PCDH7: variants seen among roughly 807,000 people sequenced by gnomAD.
The protein encoded by PCDH7 is protocadherin 7.
Under a neutral mutation model 58.9 loss-of-function variants are expected in PCDH7, and 17 were observed. The ratio of observed to expected loss-of-function variants is 0.29; its 90% confidence interval spans 0.20 to 0.43. PCDH7 has a LOEUF of 0.43. PCDH7 is among the 20% of genes least tolerant of loss of function. The pLI, the probability that PCDH7 is intolerant of heterozygous loss-of-function variation, is 1.00. For synonymous variants in PCDH7, 664 were observed against 616.4 expected (o/e 1.08, Z -1.14); for missense variants, 1,274 against 1,441.0 (o/e 0.88, Z 1.88).
intron 1 of PCDH7, among the ~76,000 whole-genome samples, chr4:30,864,112 A>G (rs1348129265): frequency 6.7e-6 from 1 of 150,132 alleles, no homozygotes; most frequent in African/African-American, 2.4e-5. Flanking sequence ...TTCCAAGACC[A>G]TCTCTTTTTT....
At chr4:30,820,748 G>A (rs544711180) in intron 1 of PCDH7, among the ~76,000 whole-genome samples, 1 of 152,042 alleles carries the variant, frequency 6.6e-6, no homozygotes, top group Admixed American at 6.6e-5. Context: ...ATGTGAATAT[G>A]AATATTTTAA....
chr4:30,840,937 G>A (rs546000294), intron 1 of PCDH7, among the ~76,000 whole-genome samples: 1 of 151,570 alleles, frequency 6.6e-6, no homozygotes. Flanking sequence ...TCATATTCAA[G>A]GAAACACTGC....
chr4:31,106,192 C>A (rs1715552268), intron 3 of PCDH7, among the ~76,000 whole-genome samples: 1 of 152,058 alleles, frequency 6.6e-6, no homozygotes, highest in Non-Finnish European at 1.5e-5. Flanking sequence ...GATTCCTTTT[C>A]AAAGCTCTGC....
rs556520299 is a variant in PCDH7 at position 31,066,589 on chromosome 4, C to T, written c.*8-75884C>T. The stretch of plus-strand genomic sequence containing the variant: ...TCTCTCAGATGCCTTCTAATGAGCT[C>T]TATTAATCTGTTCTCTTCACCTCCC... On this transcript the variant is annotated intron_variant, in intron 3 of 3. Transcript: ENST00000509759. 6.6e-4 allele frequency among the ~76,000 whole-genome samples: 101 copies of T among 151,972 alleles called. 1 individual carries two copies. Among genetic ancestry groups the T allele is most frequent in the Admixed American group, 1.6e-3 (25 of 15,214 alleles).
chr4:31,141,487 TCAAA>T (rs1283825103), intron 3 of PCDH7, among the ~76,000 whole-genome samples: 44 of 152,258 alleles, frequency 2.9e-4, no homozygotes, highest in Non-Finnish European at 4.0e-4. Flanking sequence ...TCTCTCTTTC[TCAAA>T]CAAAGTCTGT....
At chr4:31,060,465 TATTTA>T (rs1009243117) in intron 3 of PCDH7, among the ~76,000 whole-genome samples, 30 of 151,902 alleles carry the variant, frequency 2.0e-4, no homozygotes, top group African/African-American at 7.2e-4. Flanking sequence ...GGTGGCCAAA[TATTTA>T]ATTAAAGTCC....
chr4:30,741,284 G>A (rs768278685), intron 1 of PCDH7, among the ~76,000 whole-genome samples: 4 of 150,806 alleles, frequency 2.7e-5, no homozygotes, highest in Admixed American at 1.3e-4. Context: ...TGTGTCACTC[G>A]GGCTCAGGTG....
chr4:31,081,844 C>T (rs183755873), intron 3 of PCDH7, among the ~76,000 whole-genome samples: 2 of 151,370 alleles, frequency 1.3e-5, no homozygotes, highest in African/African-American at 4.9e-5. Context: ...ACTATCTTGG[C>T]TCACTGCAAC....
intron 1 of PCDH7, among the ~76,000 whole-genome samples, chr4:30,862,588 A>G (rs1018132199): frequency 1.2e-4 from 19 of 152,196 alleles, no homozygotes; most frequent in Non-Finnish European, 2.5e-4. Context: ...TGTTTTTACC[A>G]AGATAATATC....
chr4:30,731,928 C>T, exon 2 of PCDH7: 1 of 152,030 alleles, frequency 6.6e-6, no homozygotes, highest in East Asian at 1.9e-4. Context: ...ATACATTTAC[C>T]ACGCTGTCTG....
At chr4:30,785,519 AC>A (rs1392727966) in intron 1 of PCDH7, among the ~76,000 whole-genome samples, 1 of 152,090 alleles carries the variant, frequency 6.6e-6, no homozygotes, top group Non-Finnish European at 1.5e-5. Flanking sequence ...AGAAGAAGAC[AC>A]CATTTACATT....
At chr4:30,992,590 C>T (rs1231887508) in intron 3 of PCDH7, among the ~76,000 whole-genome samples, 1 of 151,940 alleles carries the variant, frequency 6.6e-6, no homozygotes, top group East Asian at 1.9e-4. Flanking sequence ...TTTAATGTAG[C>T]CATGCTTAGG....
At chr4:30,965,236 A>G (rs937179927) in intron 3 of PCDH7, among the ~76,000 whole-genome samples, 5 of 152,138 alleles carry the variant, frequency 3.3e-5, no homozygotes, top group African/African-American at 7.2e-5. Flanking sequence ...GTTTTCTTCT[A>G]TGTAAATTTA....
intron 3 of PCDH7, among the ~76,000 whole-genome samples, chr4:31,002,755 G>T (rs2109139696): frequency 6.6e-6 from 1 of 152,306 alleles, no homozygotes; most frequent in African/African-American, 2.4e-5. Context: ...GGGGAAGAAT[G>T]ATGCATGTAT....
At chr4:30,743,604 T>G (rs1048519958) in intron 1 of PCDH7, among the ~76,000 whole-genome samples, 5 of 140,480 alleles carry the variant, frequency 3.6e-5, no homozygotes, top group Admixed American at 1.5e-4. Context: ...TGACTACATT[T>G]TCTCCTAAAC....
At chr4:30,998,712 C>A (rs1398265826) in intron 3 of PCDH7, among the ~76,000 whole-genome samples, 1 of 151,890 alleles carries the variant, frequency 6.6e-6, no homozygotes, top group Non-Finnish European at 1.5e-5. Context: ...AGAGCAGAAC[C>A]CTCAGAATTG....
intron 1 of PCDH7, among the ~76,000 whole-genome samples, chr4:30,806,498 G>A (rs1159836127): frequency 6.6e-6 from 1 of 151,788 alleles, no homozygotes; most frequent in African/African-American, 2.4e-5. Flanking sequence ...TAAAGAAGGG[G>A]TTTCACCATG....
Position 30,834,665 on chromosome 4 carries a change from A to C in PCDH7, c.71-85488A>C, listed in dbSNP as rs574657563. On this transcript the variant is annotated intron_variant, in intron 1 of 3. Transcript: ENST00000509759. ...GTTTTCAACTAATAGAGATGAAAGT[A>C]AAAAAAAAAAAAACCTGAGTCTCTT... 8.7e-3 allele frequency among the ~76,000 whole-genome samples: 1,230 copies of C among 142,080 alleles called. 20 individuals carry two copies. Among genetic ancestry groups the C allele is most frequent in the African/African-American group, 0.03 (1,172 of 39,210 alleles). The allele number at this position is 142,080 out of a possible 152,430, so 93.2% of individuals were successfully genotyped here.
At chr4:30,934,800 G>A (rs1266554465) in intron 2 of PCDH7, among the ~76,000 whole-genome samples, 1 of 151,934 alleles carries the variant, frequency 6.6e-6, no homozygotes, top group African/African-American at 2.4e-5. Context: ...CTACTGTATT[G>A]TAATGTATCA....
Sources: gnomAD v4.1 joint callset for allele counts (sites outside exome capture counted in the v4.1 genomes callset) on GRCh38, gnomAD v4.1.1 for gene constraint, MANE v1.5 for transcripts, NCBI Gene and HGNC (gene_info 2026-07-23, HGNC 2026-07-21) for gene names.